The following ITPR2 variants were observed in gnomAD, a reference collection of about 807,000 sequenced individuals.
The protein encoded by ITPR2 is inositol 1,4,5-trisphosphate-gated calcium channel ITPR2.
In ITPR2, 207 loss-of-function variants were observed where a neutral mutation model predicts 317.1. The observed-to-expected ratio is 0.65, with a 90% CI of 0.58 to 0.73. The LOEUF is 0.73. Among genes scored for constraint, ITPR2 ranks in the 30% least tolerant of loss-of-function variants. The pLI, the probability that ITPR2 is intolerant of heterozygous loss-of-function variation, is 0.00. For synonymous variants in ITPR2, 1,156 were observed against 1,149.1 expected (o/e 1.01, Z -0.12); for missense variants, 2,613 against 3,284.0 (o/e 0.80, Z 4.99).
At chr12:26,399,903 A>G (rs1940117460) in intron 53 of ITPR2, among the ~76,000 whole-genome samples, 2 of 152,370 alleles carry the variant, frequency 1.3e-5, no homozygotes, top group East Asian at 3.9e-4. Flanking sequence ...CAATACACAG[A>G]TTAACTTGGA....
chr12:26,586,659 C>T (rs1448052594), intron 32 of ITPR2, among the ~76,000 whole-genome samples: 1 of 152,116 alleles, frequency 6.6e-6, no homozygotes, highest in Non-Finnish European at 1.5e-5. Context: ...TAGTCAGTGT[C>T]ATCAACAGTC....
At chr12:26,493,627 T>G (rs903198298) in intron 39 of ITPR2, among the ~76,000 whole-genome samples, 3 of 152,196 alleles carry the variant, frequency 2.0e-5, no homozygotes, top group African/African-American at 7.2e-5. Flanking sequence ...ATTACCTTGA[T>G]TTGATCATTA....
intron 9 of ITPR2, among the ~76,000 whole-genome samples, chr12:26,702,569 G>C (rs567835560): frequency 3.3e-5 from 5 of 152,064 alleles, no homozygotes; most frequent in African/African-American, 9.6e-5. Context: ...CTCCTGAGTA[G>C]CTGGGGCTAC....
intron 55 of ITPR2, among the ~76,000 whole-genome samples, chr12:26,378,537 T>G (rs966547512): frequency 6.6e-6 from 1 of 152,156 alleles, no homozygotes; most frequent in African/African-American, 2.4e-5. Flanking sequence ...TAAGCAGGGG[T>G]GCAGTGGTGT....
chr12:26,485,598 G>A (rs576992029), intron 41 of ITPR2, among the ~76,000 whole-genome samples: 2 of 152,178 alleles, frequency 1.3e-5, no homozygotes, highest in African/African-American at 4.8e-5. Context: ...ATATGACACT[G>A]ACTACATTCA....
At position 26,724,689 on chromosome 12, in the gene ITPR2, C is replaced by T. The variant is rs1455884824; in HGVS notation, c.333G>A (p.Leu111=). The T allele has an allele frequency of 1.2e-6, 2 of 1,603,906 alleles. No individual in the cohort carries two copies. Among genetic ancestry groups the T allele is most frequent in the Admixed American group, 3.4e-5 (2 of 59,674 alleles). Residue 111 remains leucine, a synonymous_variant, in exon 4 of 57, where the codon TTG becomes TTA. Coordinates refer to ENST00000381340, the MANE Select transcript of ITPR2 (RefSeq NM_002223.4). ...KQNESENKKL[L]GEIVKYSNVI... is the part of the protein sequence containing the mutation. Reference sequence around the variant, plus strand: ...CATTACTGTATTTTACAATTTCTCCCAACAGTTTCTTATTCTCCGATTCAT... The same window carrying T: ...CATTACTGTATTTTACAATTTCTCCTAACAGTTTCTTATTCTCCGATTCAT...
intron 1 of ITPR2, among the ~76,000 whole-genome samples, chr12:26,824,476 T>C (rs1174828634): frequency 6.6e-6 from 1 of 152,324 alleles, no homozygotes. Context: ...GAAAAAAAAT[T>C]TCATGGTAAT....
intron 32 of ITPR2, among the ~76,000 whole-genome samples, chr12:26,589,232 A>T (rs1234149986): frequency 1.3e-5 from 2 of 152,194 alleles, no homozygotes; most frequent in Admixed American, 6.5e-5. Context: ...ATGGAATAAG[A>T]ATGTGAAACA....
At chr12:26,496,239 A>G (rs1426970494) in intron 37 of ITPR2, among the ~76,000 whole-genome samples, 1 of 152,200 alleles carries the variant, frequency 6.6e-6, no homozygotes. Flanking sequence ...TTGGCTGCAG[A>G]TCATGCAGTT....
chr12:26,774,964 C>A (rs1402740497), intron 2 of ITPR2, among the ~76,000 whole-genome samples: 2 of 152,320 alleles, frequency 1.3e-5, no homozygotes, highest in East Asian at 3.9e-4. Context: ...CATGGTTTCC[C>A]AGTGGCCCTG....
chr12:26,606,396 A>G lies in ITPR2; in HGVS notation c.3463-3690T>C, dbSNP rs542374043. On this transcript the variant is annotated intron_variant, in intron 26 of 56. Coordinates refer to ENST00000381340, the MANE Select transcript of ITPR2 (RefSeq NM_002223.4). Reference sequence around the variant, plus strand: ...AGCTTAGTGCAGTGATCTTAGCGGTAGCTGTATTTTTAATTGCATAGTATA... The same window carrying G: ...AGCTTAGTGCAGTGATCTTAGCGGTGGCTGTATTTTTAATTGCATAGTATA... 1.8e-4 allele frequency among the ~76,000 whole-genome samples: 28 copies of G among 152,318 alleles called. 1 individual carries two copies. The highest frequency in any genetic ancestry group is 6.0e-4 in the African/African-American group (25 of 41,578).
chr12:26,725,876 T>G, intron 2 of ITPR2, 111 bp from the exon 3 acceptor site: 1 of 686,078 alleles, frequency 1.5e-6, no homozygotes, highest in Non-Finnish European at 2.6e-6. Flanking sequence ...ACAGAACAGT[T>G]AAAAGTCATA....
chr12:26,482,937 C>CTGATCCATGCTTCT (rs1491213744), intron 42 of ITPR2, among the ~76,000 whole-genome samples: 5 of 152,190 alleles, frequency 3.3e-5, no homozygotes, highest in African/African-American at 1.2e-4. Context: ...GACTTGAAAA[C>CTGATCCATGCTTCT]TCTGTCTTCT....
At chr12:26,659,663 C>G (rs1395044158) in intron 15 of ITPR2, among the ~76,000 whole-genome samples, 1 of 151,972 alleles carries the variant, frequency 6.6e-6, no homozygotes, top group African/African-American at 2.4e-5. Flanking sequence ...TTAAAATAAG[C>G]TTTTATGACA....
intron 43 of ITPR2, among the ~76,000 whole-genome samples, chr12:26,477,217 G>C (rs1942438585): frequency 6.6e-6 from 1 of 152,076 alleles, no homozygotes; most frequent in Non-Finnish European, 1.5e-5. Context: ...TGAGAGCTAT[G>C]TTACAAGAGA....
At chr12:26,740,748 T>C (rs887225793) in intron 2 of ITPR2, among the ~76,000 whole-genome samples, 1 of 152,216 alleles carries the variant, frequency 6.6e-6, no homozygotes. Flanking sequence ...ACAAAACTTT[T>C]TTGTCTTCCC....
At chr12:26,776,951 T>C (rs1328990686) in intron 2 of ITPR2, among the ~76,000 whole-genome samples, 1 of 152,154 alleles carries the variant, frequency 6.6e-6, no homozygotes, top group Non-Finnish European at 1.5e-5. Flanking sequence ...TTGCTTGAGT[T>C]TTCTAATTTA....
chr12:26,433,950 A>G (rs1488465505), intron 48 of ITPR2, among the ~76,000 whole-genome samples: 1 of 152,188 alleles, frequency 6.6e-6, no homozygotes, highest in Non-Finnish European at 1.5e-5. Flanking sequence ...TTCTTTTATA[A>G]AAGATAAACT....
chr12:26,346,531 G>A (rs1938316152), intron 55 of ITPR2, among the ~76,000 whole-genome samples: 1 of 151,954 alleles, frequency 6.6e-6, no homozygotes, highest in African/African-American at 2.4e-5. Context: ...GCTGAGGCAG[G>A]AGAATCGCTT....
Sources: gnomAD v4.1 joint callset for allele counts (sites outside exome capture counted in the v4.1 genomes callset) on GRCh38, gnomAD v4.1.1 for gene constraint, MANE v1.5 for transcripts, NCBI Gene and HGNC (gene_info 2026-07-23, HGNC 2026-07-21) for gene names.